DISP1: variants seen among roughly 807,000 people sequenced by gnomAD.
DISP1 encodes the protein protein dispatched homolog 1.
A neutral mutation model predicts 37.3 loss-of-function variants in DISP1; 30 were observed. The observed-to-expected ratio is 0.80, with a 90% CI of 0.60 to 1.09. The LOEUF is 1.09. Ranked by LOEUF, DISP1 falls within the 50% of genes least tolerant of loss-of-function variation. The pLI is 0.00. For missense variants in DISP1, 1,598 were observed against 1,879.5 expected (o/e 0.85, Z 2.77); for synonymous variants, 634 against 690.2 (o/e 0.92, Z 1.28).
At chr1:222,998,093 G>A (rs1048580857) in intron 8 of DISP1, among the ~76,000 whole-genome samples, 4 of 151,876 alleles carry the variant, frequency 2.6e-5, no homozygotes, top group Non-Finnish European at 4.4e-5. Context: ...GATATCTTAA[G>A]TAATAACTAT....
intron 1 of DISP1, among the ~76,000 whole-genome samples, chr1:222,923,870 G>A (rs1256389636): frequency 6.6e-6 from 1 of 152,168 alleles, no homozygotes; most frequent in Non-Finnish European, 1.5e-5. Context: ...TCTTTGAAAG[G>A]CTGGAATGCT....
chr1:222,887,458 G>T (rs1319009400), intron 1 of DISP1, among the ~76,000 whole-genome samples: 1 of 150,338 alleles, frequency 6.7e-6, no homozygotes, highest in Non-Finnish European at 1.5e-5. Context: ...TCCTGAATTA[G>T]GTAATTTATA....
At chr1:222,819,747 G>T (rs1572106304) in intron 1 of DISP1, among the ~76,000 whole-genome samples, 2 of 151,938 alleles carry the variant, frequency 1.3e-5, no homozygotes, top group African/African-American at 2.4e-5. Context: ...CACCATGTTG[G>T]CCTGGCTGGT....
intron 6 of DISP1, 82 bp downstream of exon 6, chr1:222,991,729 A>C (rs1414409908): frequency 6.9e-7 from 1 of 1,441,038 alleles, no homozygotes; most frequent in African/African-American, 1.4e-5. Flanking sequence ...CTAAACAAAA[A>C]ATTTAAATGT....
intron 1 of DISP1, among the ~76,000 whole-genome samples, chr1:222,883,186 C>T (rs919397150): frequency 2.6e-5 from 4 of 151,950 alleles, no homozygotes; most frequent in Admixed American, 6.6e-5. Context: ...AGTGTTCATA[C>T]GCTTTAACAC....
chr1:222,916,914 C>T (rs1672522564), intron 1 of DISP1, among the ~76,000 whole-genome samples: 1 of 152,146 alleles, frequency 6.6e-6, no homozygotes, highest in African/African-American at 2.4e-5. Context: ...AAACAGCAAA[C>T]TGTTCTCATA....
chr1:222,858,738 A>G (rs1482768829), intron 1 of DISP1, among the ~76,000 whole-genome samples: 5 of 152,120 alleles, frequency 3.3e-5, no homozygotes, highest in Non-Finnish European at 5.9e-5. Context: ...AAAAAGCTTA[A>G]TATCACTGAT....
At chr1:222,878,290 T>C (rs1311669238) in intron 1 of DISP1, among the ~76,000 whole-genome samples, 1 of 152,212 alleles carries the variant, frequency 6.6e-6, no homozygotes, top group Admixed American at 6.5e-5. Flanking sequence ...TGGTCACCCA[T>C]TGATTCTTTT....
At chr1:222,875,846 A>G (rs1669945805) in intron 1 of DISP1, among the ~76,000 whole-genome samples, 1 of 143,698 alleles carries the variant, frequency 7.0e-6, no homozygotes, top group Non-Finnish European at 1.5e-5. Context: ...AAAAAAAAAA[A>G]GAAAGAAAGA....
At chr1:222,991,737 T>C in intron 6 of DISP1, 90 bp downstream of exon 6, 2 of 1,390,774 alleles carry the variant, frequency 1.4e-6, no homozygotes, top group Non-Finnish European at 2.0e-6. Context: ...AAAATTTAAA[T>C]GTAAAATGTG....
chr1:222,881,710 T>C (rs1003137551), intron 1 of DISP1, among the ~76,000 whole-genome samples: 1 of 152,222 alleles, frequency 6.6e-6, no homozygotes, highest in African/African-American at 2.4e-5. Flanking sequence ...ATTAGCAACA[T>C]AATATTTTCA....
intron 2 of DISP1, among the ~76,000 whole-genome samples, chr1:222,936,854 T>TATATAATTTATATATCATATATATGAG (rs1673875704): frequency 1.9e-5 from 1 of 51,310 alleles, no homozygotes; most frequent in Non-Finnish European, 3.6e-5. Flanking sequence ...ATATATATGA[T>TATATAATTTATATATCATATATATGAG]ATATAATTTA....
chr1:222,904,268 A>C (rs1671774418), intron 1 of DISP1, among the ~76,000 whole-genome samples: 1 of 151,266 alleles, frequency 6.6e-6, no homozygotes. Flanking sequence ...ACTTATTAGT[A>C]GAAAATATAT....
At chr1:222,860,197 G>A (rs1254321473) in intron 1 of DISP1, among the ~76,000 whole-genome samples, 1 of 152,128 alleles carries the variant, frequency 6.6e-6, no homozygotes, top group Non-Finnish European at 1.5e-5. Context: ...CTGGGATTAA[G>A]GCATGTGCCA....
At chr1:222,864,741 A>C (rs1235933894) in intron 1 of DISP1, among the ~76,000 whole-genome samples, 1 of 152,156 alleles carries the variant, frequency 6.6e-6, no homozygotes, top group Non-Finnish European at 1.5e-5. Context: ...TATGTTCTTC[A>C]TTTGAATTCT....
chr1:222,952,758 G>A (rs544082987), intron 3 of DISP1, among the ~76,000 whole-genome samples: 1 of 152,328 alleles, frequency 6.6e-6, no homozygotes, highest in South Asian at 2.1e-4. Context: ...GCTGAGGCCG[G>A]AGAATCGCTT....
intron 1 of DISP1, among the ~76,000 whole-genome samples, chr1:222,880,648 G>T (rs1028737391): frequency 6.6e-6 from 1 of 152,178 alleles, no homozygotes; most frequent in African/African-American, 2.4e-5. Flanking sequence ...TTCAAAGAGT[G>T]GGCAACATTT....
intron 8 of DISP1, among the ~76,000 whole-genome samples, chr1:222,996,936 A>C (rs1679116017): frequency 1.3e-5 from 2 of 152,112 alleles, no homozygotes. Context: ...CCATGAGTAC[A>C]TGTTAGACTC....
At chr1:222,962,207 C>T (rs1676116790) in intron 3 of DISP1, among the ~76,000 whole-genome samples, 1 of 152,008 alleles carries the variant, frequency 6.6e-6, no homozygotes, top group Admixed American at 6.6e-5. Context: ...GAATAAATAC[C>T]TTGGAATACA....
Sources: gnomAD v4.1 joint callset for allele counts (sites outside exome capture counted in the v4.1 genomes callset) on GRCh38, gnomAD v4.1.1 for gene constraint, MANE v1.5 for transcripts, NCBI Gene and HGNC (gene_info 2026-07-23, HGNC 2026-07-21) for gene names.